CDK6: variants seen among roughly 807,000 people sequenced by gnomAD.
CDK6 encodes cyclin-dependent kinase 6.
A neutral mutation model predicts 37.1 loss-of-function variants in CDK6; 6 were observed. The ratio of observed to expected loss-of-function variants is 0.16; its 90% confidence interval spans 0.09 to 0.32. The LOEUF (loss-of-function observed/expected upper bound fraction) is 0.32. Ranked by LOEUF, CDK6 falls within the 10% of genes least tolerant of loss-of-function variation. The pLI is 1.00. For missense variants in CDK6, 224 were observed against 418.9 expected (o/e 0.53, Z 4.06); for synonymous variants, 160 against 161.3 (o/e 0.99, Z 0.06).
At chr7:92,827,873 T>C (rs1213037298) in intron 2 of CDK6, among the ~76,000 whole-genome samples, 1 of 152,182 alleles carries the variant, frequency 6.6e-6, no homozygotes, top group African/African-American at 2.4e-5. Flanking sequence ...AATAGTGTGA[T>C]TAGTTCCTCA....
chr7:92,737,932 A>T (rs1798825742), intron 3 of CDK6, among the ~76,000 whole-genome samples: 1 of 152,230 alleles, frequency 6.6e-6, no homozygotes, highest in African/African-American at 2.4e-5. Flanking sequence ...ACTGAAAACA[A>T]CACACTGAAA....
intron 2 of CDK6, among the ~76,000 whole-genome samples, chr7:92,824,647 C>T (rs1353692727): frequency 6.6e-6 from 1 of 152,110 alleles, no homozygotes; most frequent in Non-Finnish European, 1.5e-5. Context: ...CATACTTTCA[C>T]AACGTGAGGT....
intron 4 of CDK6, among the ~76,000 whole-genome samples, chr7:92,689,100 G>A (rs1797540045): frequency 6.6e-6 from 1 of 152,170 alleles, no homozygotes; most frequent in Non-Finnish European, 1.5e-5. Context: ...CTCAGTGCCA[G>A]TGAATTCTAG....
intron 5 of CDK6, among the ~76,000 whole-genome samples, chr7:92,646,459 G>A (rs373712221): frequency 4.7e-5 from 7 of 149,654 alleles, no homozygotes; most frequent in South Asian, 2.1e-4. Flanking sequence ...GTGCAGTGGC[G>A]CGATCTCGGC....
intron 5 of CDK6, among the ~76,000 whole-genome samples, chr7:92,655,954 TA>T (rs1562926424): frequency 6.6e-6 from 1 of 152,234 alleles, no homozygotes; most frequent in Non-Finnish European, 1.5e-5. Flanking sequence ...CTAATACCTG[TA>T]AATTTAATTT....
chr7:92,668,473 CA>C (rs1797006746), intron 5 of CDK6, among the ~76,000 whole-genome samples: 1 of 152,028 alleles, frequency 6.6e-6, no homozygotes, highest in Non-Finnish European at 1.5e-5. Context: ...AAGAATATGG[CA>C]AAAACAATGA....
At chr7:92,742,107 C>T (rs1463690975) in intron 3 of CDK6, among the ~76,000 whole-genome samples, 1 of 152,058 alleles carries the variant, frequency 6.6e-6, no homozygotes, top group African/African-American at 2.4e-5. Context: ...TTAAGATTTA[C>T]TCAGTTTGTT....
At chr7:92,655,504 T>C (rs1336644467) in intron 5 of CDK6, among the ~76,000 whole-genome samples, 2 of 152,240 alleles carry the variant, frequency 1.3e-5, no homozygotes, top group Non-Finnish European at 2.9e-5. Flanking sequence ...ATGACTCTGA[T>C]AAGCAAAACA....
chr7:92,800,976 G>A (rs1289812445), intron 2 of CDK6, among the ~76,000 whole-genome samples: 1 of 152,024 alleles, frequency 6.6e-6, no homozygotes, highest in Non-Finnish European at 1.5e-5. Flanking sequence ...TTATCATTTT[G>A]TCCAATATCC....
chr7:92,705,330 C>T (rs1475966344), intron 4 of CDK6, among the ~76,000 whole-genome samples: 3 of 152,160 alleles, frequency 2.0e-5, no homozygotes, highest in East Asian at 1.9e-4. Flanking sequence ...ATTTTTACTA[C>T]GATGTCCTTC....
intron 2 of CDK6, among the ~76,000 whole-genome samples, chr7:92,793,349 A>T (rs1800328309): frequency 6.6e-6 from 1 of 152,160 alleles, no homozygotes; most frequent in Non-Finnish European, 1.5e-5. Flanking sequence ...CAATTTCAAA[A>T]CTTACCATGA....
chr7:92,803,798 GA>G (rs374552856), intron 2 of CDK6, among the ~76,000 whole-genome samples: 2 of 152,040 alleles, frequency 1.3e-5, no homozygotes, highest in African/African-American at 4.8e-5. Context: ...TGAAAAGGGG[GA>G]AAAAATGGGC....
intron 4 of CDK6, among the ~76,000 whole-genome samples, chr7:92,709,235 CTTT>C (rs1013620126): frequency 6.6e-6 from 1 of 151,876 alleles, no homozygotes; most frequent in African/African-American, 2.4e-5. Flanking sequence ...TAGTAGACTG[CTTT>C]TTTTTAGGGT....
At chr7:92,673,182 A>C (rs1240990477) in intron 4 of CDK6, among the ~76,000 whole-genome samples, 1 of 152,228 alleles carries the variant, frequency 6.6e-6, no homozygotes, top group Non-Finnish European at 1.5e-5. Context: ...TGGACATTCA[A>C]GCCAACTGAC....
chr7:92,623,174 C>G, intron 5 of CDK6, 88 bp from the exon 6 acceptor site: 1 of 894,902 alleles, frequency 1.1e-6, no homozygotes, highest in Non-Finnish European at 1.8e-6. Flanking sequence ...TCACAGGAAG[C>G]AAAATATTCT....
intron 3 of CDK6, among the ~76,000 whole-genome samples, chr7:92,756,046 T>C (rs911195856): frequency 3.9e-5 from 6 of 151,976 alleles, no homozygotes; most frequent in African/African-American, 1.5e-4. Flanking sequence ...CTTTCTCCCT[T>C]TAATATAATA....
intron 2 of CDK6, among the ~76,000 whole-genome samples, chr7:92,808,418 C>T (rs541369369): frequency 1.8e-4 from 27 of 152,316 alleles, no homozygotes; most frequent in East Asian, 1.9e-4. Context: ...AAGGTATAGT[C>T]GGCCAAATAG....
chr7:92,744,441 G>A (rs1014806646), intron 3 of CDK6, among the ~76,000 whole-genome samples: 1 of 152,128 alleles, frequency 6.6e-6, no homozygotes, highest in Non-Finnish European at 1.5e-5. Context: ...AACTCCCAAC[G>A]GGTCTTTCTC....
At chr7:92,823,915 T>C (rs1451799403) in intron 2 of CDK6, among the ~76,000 whole-genome samples, 1 of 152,024 alleles carries the variant, frequency 6.6e-6, no homozygotes, top group East Asian at 1.9e-4. Context: ...AATCTTCCCA[T>C]CCTAGCCTTC....
Sources: gnomAD v4.1 joint callset for allele counts (sites outside exome capture counted in the v4.1 genomes callset) on GRCh38, gnomAD v4.1.1 for gene constraint, MANE v1.5 for transcripts, NCBI Gene and HGNC (gene_info 2026-07-23, HGNC 2026-07-21) for gene names.